Variants in SRD5A2 observed in about 807,000 individuals in gnomAD.
SRD5A2 encodes the protein steroid 5 alpha-reductase 2, also known as 3-oxo-5-alpha-steroid 4-dehydrogenase 2.
A neutral mutation model predicts 27.4 loss-of-function variants in SRD5A2; 30 were observed. The ratio of observed to expected loss-of-function variants is 1.10; its 90% CI spans 0.82 to 1.49. The LOEUF (loss-of-function observed/expected upper bound fraction) is 1.49, where lower values mean the gene tolerates loss of function less well. SRD5A2 is among the 40% of genes most tolerant of loss of function. The pLI is 0.00. For synonymous variants in SRD5A2, 141 were observed against 133.6 expected, an observed-to-expected ratio of 1.06 and a Z score of -0.38; for missense variants, 348 against 323.4, an observed-to-expected ratio of 1.08 and a Z score of -0.58.
chr2:31,647,015 G>A, the SRD5A2 span, among the ~76,000 whole-genome samples: 3 of 151,992 alleles, frequency 2.0e-5, no homozygotes, highest in Non-Finnish European at 4.4e-5. Context: ...CGTCATGGTG[G>A]GCGCCTGTAA....
At chr2:31,629,082 A>AGGAAAACACTGCCCCCAATGCCGGTCT in the SRD5A2 span, among the ~76,000 whole-genome samples, 4 of 152,194 alleles carry the variant, frequency 2.6e-5, no homozygotes, top group Non-Finnish European at 5.9e-5. Flanking sequence ...TGGCCAGTAC[A>AGGAAAACACTGCCCCCAATGCCGGTCT]GGAAAACACT....
intron 1 of SRD5A2, among the ~76,000 whole-genome samples, chr2:31,561,588 G>A (rs904689095): frequency 2.0e-5 from 3 of 152,066 alleles, no homozygotes; most frequent in Admixed American, 1.3e-4. Flanking sequence ...AAGTATTTAT[G>A]GCATGTCCTG....
chr2:31,588,938 G>T, the SRD5A2 span, among the ~76,000 whole-genome samples: 1 of 152,104 alleles, frequency 6.6e-6, no homozygotes, highest in Non-Finnish European at 1.5e-5. Context: ...AGCTTTTGCT[G>T]CAAGAACTAC....
the SRD5A2 span, among the ~76,000 whole-genome samples, chr2:31,638,951 TTTGTTGC>T: frequency 2.0e-5 from 3 of 152,018 alleles, no homozygotes; most frequent in Non-Finnish European, 2.9e-5. Flanking sequence ...CTACTGCCAT[TTTGTTGC>T]TTGTTTTCTG....
chr2:31,563,319 T>C (rs1316997180), intron 1 of SRD5A2: 1 of 151,970 alleles, frequency 6.6e-6, no homozygotes, highest in Non-Finnish European at 1.5e-5. Flanking sequence ...TAAAACCCAT[T>C]GGAGACACTT....
At chr2:31,604,257 C>T in the SRD5A2 span, among the ~76,000 whole-genome samples, 1 of 151,608 alleles carries the variant, frequency 6.6e-6, no homozygotes, top group African/African-American at 2.4e-5. Context: ...TGTTCTTCAA[C>T]ATAGTAATGG....
In SRD5A2 at chr2:31,522,946, C is replaced by G. The variant is rs183288970; in HGVS notation, c.*3250G>C. The G allele has an allele frequency of 2.7e-3, 597 of 221,472 alleles. 4 individuals are homozygous for G. The highest frequency in any genetic ancestry group is 0.013 in the African/African-American group (580 of 44,692). 13.7% of individuals were successfully genotyped at this position (221,472 alleles called of 1,614,324 possible). On this transcript the variant is annotated 3_prime_UTR_variant, in exon 5 of 5. Transcript: ENST00000622030. The stretch of plus-strand genomic sequence containing the variant: ...TTGCCATGAGGTAACCACAAAAATC[C>G]AAGAGAGCTATTATCAAACTTCAGG...
In SRD5A2 at chr2:31,527,853, C is replaced by A. The variant is rs28383076; in HGVS notation, c.698+1454G>T. 2.6e-3 allele frequency among the ~76,000 whole-genome samples: 398 copies of A among 152,296 alleles called. 3 individuals are homozygous for A. Among genetic ancestry groups the A allele is most frequent in the African/African-American group, 9.2e-3 (383 of 41,568 alleles). ...AATTCTAATCAGAAAAAAAGGAACTCATTCTTAGTTAAATCTTCAAAACTA... is the reference window on the plus strand; with the variant it reads ...AATTCTAATCAGAAAAAAAGGAACTAATTCTTAGTTAAATCTTCAAAACTA... On this transcript the variant is annotated intron_variant, in intron 4 of 4. Transcript: ENST00000622030.
At chr2:31,533,816 T>C (rs755241849) in intron 1 of SRD5A2, 50 bp from the exon 2 acceptor site, 71 of 1,555,060 alleles carry the variant, frequency 4.6e-5, no homozygotes, top group Non-Finnish European at 5.5e-5. Flanking sequence ...AAAAAGAACA[T>C]GGTCTCATCC....
intron 1 of SRD5A2, among the ~76,000 whole-genome samples, chr2:31,568,703 C>T (rs1416559234): frequency 6.6e-6 from 1 of 152,202 alleles, no homozygotes; most frequent in African/African-American, 2.4e-5. Flanking sequence ...AGCCTGTCTG[C>T]CTCCTGCCAC....
chr2:31,596,130 T>TG, the SRD5A2 span, among the ~76,000 whole-genome samples: 1 of 152,024 alleles, frequency 6.6e-6, no homozygotes, highest in Non-Finnish European at 1.5e-5. Context: ...AGCATTCTCC[T>TG]GCAAGGTGTG....
chr2:31,589,230 T>C, the SRD5A2 span, among the ~76,000 whole-genome samples: 36 of 152,294 alleles, frequency 2.4e-4, no homozygotes, highest in Non-Finnish European at 5.0e-4. Flanking sequence ...TCCACTGAAC[T>C]GCCCATGTCA....
At chr2:31,563,886 C>G (rs1223798128) in intron 1 of SRD5A2, among the ~76,000 whole-genome samples, 1 of 152,132 alleles carries the variant, frequency 6.6e-6, no homozygotes, top group South Asian at 2.1e-4. Flanking sequence ...AGCATTAACA[C>G]TCTTCTGGAA....
At position 31,533,742 on chromosome 2, in the gene SRD5A2, A is replaced by G. The variant is rs1339954526; in HGVS notation, c.306T>C (p.Asn102=). The G allele has an allele frequency of 1.2e-6, 2 of 1,603,618 alleles. No individual in the cohort carries two copies. Among genetic ancestry groups the G allele is most frequent in the East Asian group, 4.5e-5 (2 of 44,584 alleles). Residue 102 remains asparagine, a synonymous_variant, in exon 2 of 5, where the codon AAT becomes AAC. Transcript: ENST00000622030. ...GTATAGCTGGATAAGGCCTCCCTCG[A>G]TTGAGCAGTGAGTACACAAATGTCC... The part of the protein sequence containing the change: ...FHRTFVYSLL[N]RGRPYPAILI...
the SRD5A2 span, among the ~76,000 whole-genome samples, chr2:31,590,689 G>C: frequency 6.6e-6 from 1 of 152,094 alleles, no homozygotes; most frequent in Non-Finnish European, 1.5e-5. Flanking sequence ...ATACTACAAG[G>C]CTACAGTAAC....
chr2:31,536,441 T>G (rs1250735426), intron 1 of SRD5A2, among the ~76,000 whole-genome samples: 1 of 152,090 alleles, frequency 6.6e-6, no homozygotes, highest in Admixed American at 6.5e-5. Flanking sequence ...CAAGGAGGAT[T>G]GTGTAGAAGA....
intron 1 of SRD5A2, among the ~76,000 whole-genome samples, chr2:31,540,526 A>C (rs1161339444): frequency 1.3e-5 from 2 of 152,240 alleles, no homozygotes; most frequent in Non-Finnish European, 2.9e-5. Context: ...AAAACATTAA[A>C]TAAAGGAAGG....
intron 4 of SRD5A2, chr2:31,526,805 T>A (rs1370540804): frequency 6.6e-6 from 1 of 152,620 alleles, no homozygotes. Flanking sequence ...AGAGGGTAAT[T>A]TTTTTTTTTC....
At chr2:31,657,525 T>A in the SRD5A2 span, among the ~76,000 whole-genome samples, 1 of 152,146 alleles carries the variant, frequency 6.6e-6, no homozygotes, top group East Asian at 1.9e-4. Context: ...CAAAGCATTG[T>A]GAGTACAGGT....
Sources: allele counts gnomAD v4.1 joint callset (sites outside exome capture counted in the v4.1 genomes callset), GRCh38; gene constraint gnomAD v4.1.1; transcripts MANE v1.5; gene names NCBI Gene and HGNC (gene_info 2026-07-23, HGNC 2026-07-21).